Variants in PDSS2 observed in about 807,000 individuals in gnomAD.
The protein encoded by PDSS2 is all trans-polyprenyl-diphosphate synthase PDSS2.
In PDSS2, 31 loss-of-function variants were observed where a neutral mutation model predicts 44.5. The observed-to-expected ratio is 0.70, with a 90% CI of 0.52 to 0.94. The LOEUF (loss-of-function observed/expected upper bound fraction) is 0.94. Among genes scored for constraint, PDSS2 ranks in the 40% least tolerant of loss-of-function variants. The pLI, the probability that PDSS2 is intolerant of heterozygous loss-of-function variation, is 0.00. For missense variants in PDSS2, 452 were observed against 482.2 expected, an observed-to-expected ratio of 0.94 and a Z score of 0.59; for synonymous variants, 157 against 180.3, an observed-to-expected ratio of 0.87 and a Z score of 1.03.
intron 4 of PDSS2, among the ~76,000 whole-genome samples, chr6:107,222,652 CAAA>C (rs567984860): frequency 3.7e-5 from 2 of 53,514 alleles, no homozygotes; most frequent in Admixed American, 2.1e-4. Flanking sequence ...AAGACTGTCT[CAAA>C]AAAAAAAAAA....
intron 4 of PDSS2, among the ~76,000 whole-genome samples, chr6:107,217,551 A>T (rs1035063854): frequency 6.2e-5 from 9 of 144,418 alleles, no homozygotes; most frequent in Admixed American, 2.1e-4. Context: ...TCTGACCAAT[A>T]AAAAAAAAAA....
chr6:107,248,118 G>C (rs1053945671), intron 3 of PDSS2, among the ~76,000 whole-genome samples: 1 of 151,988 alleles, frequency 6.6e-6, no homozygotes, highest in Non-Finnish European at 1.5e-5. Context: ...TCACAATTTA[G>C]TAAGCTCATT....
At chr6:107,316,994 A>G (rs1777223147) in intron 2 of PDSS2, among the ~76,000 whole-genome samples, 1 of 152,220 alleles carries the variant, frequency 6.6e-6, no homozygotes, top group Admixed American at 6.5e-5. Context: ...ATATTGTTGA[A>G]CTGCAGAAAA....
intron 1 of PDSS2, among the ~76,000 whole-genome samples, chr6:107,411,553 T>C (rs1422866149): frequency 2.0e-5 from 3 of 152,184 alleles, no homozygotes; most frequent in Admixed American, 6.5e-5. Context: ...TCTGCATCCA[T>C]GGATTCAACC....
At chr6:107,379,987 T>A (rs1208156068) in intron 1 of PDSS2, among the ~76,000 whole-genome samples, 1 of 152,140 alleles carries the variant, frequency 6.6e-6, no homozygotes, top group African/African-American at 2.4e-5. Flanking sequence ...ATTTCTGTTA[T>A]ATTTAGAAAT....
chr6:107,301,921 CAAAAAAAAAAAA>C (rs10592658), intron 2 of PDSS2, among the ~76,000 whole-genome samples: 4 of 78,666 alleles, frequency 5.1e-5, no homozygotes, highest in Non-Finnish European at 6.7e-5. Context: ...GACTCTATCT[CAAAAAAAAAAAA>C]AAAAAAAAAA....
intron 7 of PDSS2, among the ~76,000 whole-genome samples, chr6:107,177,714 C>T (rs1168070527): frequency 6.6e-6 from 1 of 152,056 alleles, no homozygotes; most frequent in East Asian, 1.9e-4. Context: ...GACTGTAAAG[C>T]TTTTTAGCAA....
chr6:107,401,641 A>C lies in PDSS2; in HGVS notation c.296+57349T>G, dbSNP rs1780108541. Reference sequence around the variant, plus strand: ...ATTTTAAAGAAGCTCAACAAGATAAAAGAGAAATCTGAAAACCAATACAAA... The same window carrying C: ...ATTTTAAAGAAGCTCAACAAGATAACAGAGAAATCTGAAAACCAATACAAA... On this transcript the variant is annotated intron_variant, in intron 1 of 7. Transcript: ENST00000369037. 2.0e-5 allele frequency among the ~76,000 whole-genome samples: 3 copies of C among 152,208 alleles called. No individual in the cohort carries two copies. The South Asian group carries it at 6.2e-4, about 31-fold the overall frequency.
chr6:107,339,013 T>C (rs1310570089), intron 1 of PDSS2, among the ~76,000 whole-genome samples: 3 of 152,176 alleles, frequency 2.0e-5, no homozygotes, highest in Non-Finnish European at 4.4e-5. Context: ...GGCGAACCAC[T>C]GAGCCAGGCC....
intron 2 of PDSS2, among the ~76,000 whole-genome samples, chr6:107,319,112 C>T (rs1419629154): frequency 6.6e-6 from 1 of 151,994 alleles, no homozygotes. Flanking sequence ...AAGAACTGGT[C>T]AAGTACTACA....
intron 1 of PDSS2, among the ~76,000 whole-genome samples, chr6:107,406,531 T>C (rs1236316379): frequency 6.6e-6 from 1 of 152,240 alleles, no homozygotes; most frequent in East Asian, 1.9e-4. Flanking sequence ...AATTTTTGCT[T>C]CTACCACCAA....
At chr6:107,405,614 G>A (rs555579826) in intron 1 of PDSS2, among the ~76,000 whole-genome samples, 336 of 152,106 alleles carry the variant, frequency 2.2e-3, no homozygotes, top group Non-Finnish European at 3.9e-3. Context: ...TTGGGAGGCC[G>A]AGGCGGGCGG....
chr6:107,412,233 CTTTTTTTTTTTTTTTTT>C (rs1169549611), intron 1 of PDSS2, among the ~76,000 whole-genome samples: 1 of 73,406 alleles, frequency 1.4e-5, no homozygotes, highest in African/African-American at 5.0e-5. Flanking sequence ...GTCCTTTGCT[CTTTTTTTTTTTTTTTTT>C]TTTTTTTGAG....
chr6:107,435,663 G>A (rs1016331326), intron 1 of PDSS2, among the ~76,000 whole-genome samples: 7 of 152,078 alleles, frequency 4.6e-5, no homozygotes, highest in African/African-American at 1.7e-4. Flanking sequence ...CATTTTAACA[G>A]ACAGAAATCT....
chr6:107,346,789 G>A (rs1778260616), intron 1 of PDSS2, among the ~76,000 whole-genome samples: 5 of 152,202 alleles, frequency 3.3e-5, no homozygotes, highest in Admixed American at 3.3e-4. Flanking sequence ...TTTTAAAAGT[G>A]CCTTATAGGT....
chr6:107,392,470 T>C (rs953290541), intron 1 of PDSS2, among the ~76,000 whole-genome samples: 2 of 152,164 alleles, frequency 1.3e-5, no homozygotes, highest in African/African-American at 2.4e-5. Flanking sequence ...ATCTTTAAAA[T>C]TCTCAAAAAA....
intron 1 of PDSS2, among the ~76,000 whole-genome samples, chr6:107,453,183 T>C (rs1055971236): frequency 1.3e-5 from 2 of 151,906 alleles, no homozygotes; most frequent in African/African-American, 4.8e-5. Context: ...GATTCTCATC[T>C]CAAACTCCTG....
chr6:107,223,499 C>T (rs901295241), intron 4 of PDSS2, among the ~76,000 whole-genome samples: 3 of 151,112 alleles, frequency 2.0e-5, no homozygotes, highest in Admixed American at 6.6e-5. Context: ...CATGCCACCA[C>T]GCTCCAGGAT....
chr6:107,341,338 T>C (rs1395990471), intron 1 of PDSS2, among the ~76,000 whole-genome samples: 2 of 151,962 alleles, frequency 1.3e-5, no homozygotes, highest in Non-Finnish European at 2.9e-5. Context: ...CTACCGTTAG[T>C]AGAGATTGGA....
Sources: allele counts gnomAD v4.1 joint callset (sites outside exome capture counted in the v4.1 genomes callset), GRCh38; gene constraint gnomAD v4.1.1; transcripts MANE v1.5; gene names NCBI Gene and HGNC (gene_info 2026-07-23, HGNC 2026-07-21).